PCDH11X: variants seen among roughly 807,000 people sequenced by gnomAD.
PCDH11X encodes protocadherin 11 X-linked.
Under a neutral mutation model 53.3 loss-of-function variants are expected in PCDH11X, and 18 were observed. The observed-to-expected ratio is 0.34, with a 90% CI of 0.23 to 0.50. The LOEUF (loss-of-function observed/expected upper bound fraction) is 0.50. PCDH11X is among the 20% of genes least tolerant of loss of function. The pLI is 0.98. For missense variants in PCDH11X, 570 were observed against 1,032.4 expected, an observed-to-expected ratio of 0.55 and a Z score of 6.14; for synonymous variants, 279 against 393.3, an observed-to-expected ratio of 0.71 and a Z score of 3.44.
chrX:91,883,738 G>C, intron 6 of PCDH11X: 1 of 574,660 alleles, frequency 1.7e-6, no homozygotes, highest in Non-Finnish European at 2.1e-6. Flanking sequence ...CCGGGAGGCG[G>C]AGCTTGCAGT....
chrX:92,394,250 C>T (rs35365747), intron 9 of PCDH11X, among the ~76,000 whole-genome samples: 3 of 111,370 alleles, frequency 2.7e-5, no homozygotes, highest in South Asian at 7.4e-4. Context: ...GTCTCTAAGA[C>T]GAGTGTATCT....
intron 8 of PCDH11X, among the ~76,000 whole-genome samples, chrX:92,330,851 T>C (rs2069447518): frequency 1.0e-5 from 1 of 98,524 alleles, no homozygotes; most frequent in Non-Finnish European, 2.1e-5. Context: ...TATGTAAAAC[T>C]CCAGAGCCTG....
chrX:92,391,413 A>G (rs2148577462), intron 9 of PCDH11X, among the ~76,000 whole-genome samples: 1 of 108,404 alleles, frequency 9.2e-6, no homozygotes, highest in South Asian at 4.0e-4. Flanking sequence ...ATATCCAGGT[A>G]TAGTGTTAAC....
rs1413378993 is a variant in PCDH11X, at chrX:92,063,012, A to G, written c.3034-138363A>G. 6.3e-5 allele frequency among the ~76,000 whole-genome samples: 7 copies of G among 111,479 alleles called. No homozygotes were observed. In the Admixed American group the frequency reaches 6.7e-4, roughly 11 times the overall value. The stretch of plus-strand genomic sequence containing the variant: ...ATACGCCATGGAATACTATGCAGCC[A>G]TAAGAAAGGATGAGTTCATGTCCTT... On this transcript the variant is annotated intron_variant, in intron 6 of 10. Transcript: ENST00000682573.
At chrX:91,994,826 TA>T (rs1222527939) in intron 6 of PCDH11X, among the ~76,000 whole-genome samples, 2 of 111,121 alleles carry the variant, frequency 1.8e-5, no homozygotes, top group Non-Finnish European at 3.8e-5. Context: ...TACTGTTTTT[TA>T]TAATAGCCAA....
intron 7 of PCDH11X, among the ~76,000 whole-genome samples, chrX:92,235,675 G>A (rs2067157249): frequency 9.0e-6 from 1 of 111,278 alleles, no homozygotes; most frequent in Non-Finnish European, 1.9e-5. Flanking sequence ...TATTTCATAA[G>A]GGAATGAATA....
At chrX:92,276,253 T>C (rs1299007382) in intron 8 of PCDH11X, among the ~76,000 whole-genome samples, 1 of 107,257 alleles carries the variant, frequency 9.3e-6, no homozygotes, top group Admixed American at 1.0e-4. Flanking sequence ...CGGGCTTACC[T>C]TCCACTGTGA....
intron 10 of PCDH11X, among the ~76,000 whole-genome samples, chrX:92,501,090 G>T (rs904742676): frequency 7.4e-5 from 8 of 108,380 alleles, no homozygotes; most frequent in Non-Finnish European, 1.5e-4. Context: ...AGAAAATATT[G>T]TAAATCCCTC....
chrX:91,911,579 G>A (rs1396884325), intron 6 of PCDH11X, among the ~76,000 whole-genome samples: 1 of 107,787 alleles, frequency 9.3e-6, no homozygotes, highest in African/African-American at 3.4e-5. Flanking sequence ...CTATATTTTT[G>A]TGTCCATTAA....
At chrX:92,229,828 C>T (rs1186251521) in intron 7 of PCDH11X, among the ~76,000 whole-genome samples, 1 of 110,960 alleles carries the variant, frequency 9.0e-6, no homozygotes, top group Admixed American at 9.7e-5. Flanking sequence ...ACCAAGCAGC[C>T]TAGTTCCTGA....
intron 10 of PCDH11X, among the ~76,000 whole-genome samples, chrX:92,577,210 C>G (rs1923087696): frequency 9.0e-6 from 1 of 110,796 alleles, no homozygotes; most frequent in East Asian, 2.8e-4. Flanking sequence ...TTGTTACTTT[C>G]TCAATTGTAG....
chrX:92,047,242 T>A (rs1452850209), intron 6 of PCDH11X, among the ~76,000 whole-genome samples: 1 of 99,834 alleles, frequency 1.0e-5, no homozygotes, highest in Non-Finnish European at 2.0e-5. Context: ...TACTGTATCA[T>A]TTATATTTGG....
At chrX:92,429,429 CCATA>C (rs1483185750) in intron 9 of PCDH11X, among the ~76,000 whole-genome samples, 2 of 109,821 alleles carry the variant, frequency 1.8e-5, no homozygotes, top group Non-Finnish European at 3.8e-5. Flanking sequence ...CTAGTATCTG[CCATA>C]CATACCCTTC....
intron 6 of PCDH11X, among the ~76,000 whole-genome samples, chrX:92,070,381 T>G (rs5984870): frequency 0.14 from 15,117 of 110,970 alleles, 975 homozygotes; most frequent in East Asian, 0.41. Flanking sequence ...GTTTTGGTTG[T>G]GTGGGAAGGG....
chrX:92,289,001 T>C (rs2068438593), intron 8 of PCDH11X, among the ~76,000 whole-genome samples: 1 of 111,814 alleles, frequency 8.9e-6, no homozygotes, highest in Non-Finnish European at 1.9e-5. Context: ...GCTAAAATAC[T>C]GAAAATATTT....
chrX:92,211,270 G>C (rs921536071), intron 7 of PCDH11X, among the ~76,000 whole-genome samples: 5 of 111,319 alleles, frequency 4.5e-5, no homozygotes, highest in African/African-American at 1.6e-4. Context: ...TCACATGGTG[G>C]GAGCAGGAGG....
intron 10 of PCDH11X, among the ~76,000 whole-genome samples, chrX:92,570,920 A>G (rs1214199868): frequency 9.0e-6 from 1 of 110,783 alleles, no homozygotes; most frequent in Admixed American, 9.6e-5. Flanking sequence ...ATAAATAAGA[A>G]GAGAGAAAAA....
intron 8 of PCDH11X, among the ~76,000 whole-genome samples, chrX:92,326,622 C>CTATATATATATATATATATATATATAATA (rs1160866218): frequency 6.5e-5 from 3 of 45,810 alleles, no homozygotes; most frequent in Non-Finnish European, 6.5e-5. Flanking sequence ...TTTTAATAAA[C>CTATATATATATATATATATATATATAATA]TATATATATA....
At chrX:92,601,494 T>G (rs1926213809) in intron 10 of PCDH11X, among the ~76,000 whole-genome samples, 1 of 86,404 alleles carries the variant, frequency 1.2e-5, no homozygotes, top group Non-Finnish European at 2.1e-5. Flanking sequence ...AATGGTATGG[T>G]GATTCATAAA....
Sources: gnomAD v4.1 joint callset for allele counts (sites outside exome capture counted in the v4.1 genomes callset) on GRCh38, gnomAD v4.1.1 for gene constraint, MANE v1.5 for transcripts, NCBI Gene and HGNC (gene_info 2026-07-23, HGNC 2026-07-21) for gene names.